UBR3: variants seen among roughly 807,000 people sequenced by gnomAD.
UBR3 encodes ubiquitin protein ligase E3 component n-recognin 3.
In UBR3, 85 loss-of-function variants were observed where a neutral mutation model predicts 243.2. The observed-to-expected ratio is 0.35, with a 90% confidence interval of 0.29 to 0.42. UBR3 has a LOEUF of 0.42. UBR3 is among the 10% of genes least tolerant of loss of function. UBR3 has a pLI of 1.00. For synonymous variants in UBR3, 748 were observed against 799.8 expected, an observed-to-expected ratio of 0.94 and a Z score of 1.09; for missense variants, 1,686 against 2,300.8, an observed-to-expected ratio of 0.73 and a Z score of 5.47.
intron 30 of UBR3, among the ~76,000 whole-genome samples, chr2:170,018,177 G>A (rs2090298419): frequency 6.6e-6 from 1 of 152,114 alleles, no homozygotes; most frequent in Non-Finnish European, 1.5e-5. Context: ...GCCCTTCTGT[G>A]CTAACTCTCC....
intron 23 of UBR3, among the ~76,000 whole-genome samples, chr2:169,951,230 A>G (rs372124472): frequency 5.9e-5 from 9 of 152,200 alleles, no homozygotes; most frequent in South Asian, 2.1e-4. Flanking sequence ...TGTGAGCAGT[A>G]TGACTAATAC....
intron 17 of UBR3, among the ~76,000 whole-genome samples, chr2:169,928,258 G>A (rs576006393): frequency 6.6e-6 from 1 of 151,964 alleles, no homozygotes; most frequent in African/African-American, 2.4e-5. Context: ...GAATCTTTTT[G>A]GTTTGCCTCT....
At chr2:169,963,521 GT>G (rs1056414388) in intron 24 of UBR3, among the ~76,000 whole-genome samples, 17 of 151,908 alleles carry the variant, frequency 1.1e-4, no homozygotes, top group Non-Finnish European at 2.2e-4. Context: ...TTCAGTAGGA[GT>G]TTTTTAAAAA....
chr2:169,975,647 A>G (rs1408126894), intron 24 of UBR3, among the ~76,000 whole-genome samples: 1 of 152,098 alleles, frequency 6.6e-6, no homozygotes, highest in Admixed American at 6.6e-5. Flanking sequence ...ATATGTATTT[A>G]GAATTGTTGT....
chr2:170,024,697 C>T (rs182242584), intron 30 of UBR3, among the ~76,000 whole-genome samples: 4 of 152,156 alleles, frequency 2.6e-5, no homozygotes, highest in Admixed American at 2.6e-4. Context: ...TTGGTTCTAG[C>T]TAGGAGTACT....
At chr2:169,892,706 G>A (rs67236570) in intron 6 of UBR3, among the ~76,000 whole-genome samples, 27,050 of 152,070 alleles carry the variant, frequency 0.18, 2,661 homozygotes, top group East Asian at 0.37. Flanking sequence ...TTGGGGAATG[G>A]CTCAATTTTT....
At chr2:169,957,470 C>T (rs1339179511) in intron 23 of UBR3, among the ~76,000 whole-genome samples, 1 of 150,698 alleles carries the variant, frequency 6.6e-6, no homozygotes, top group Non-Finnish European at 1.5e-5. Flanking sequence ...AGACAAAAAA[C>T]CAAACACTGC....
chr2:170,004,407 G>A (rs985727599), intron 27 of UBR3, among the ~76,000 whole-genome samples: 2 of 152,166 alleles, frequency 1.3e-5, no homozygotes, highest in African/African-American at 2.4e-5. Context: ...CTACTTAGGA[G>A]AGAGATGAGT....
At chr2:169,976,574 T>A (rs1161341497) in intron 24 of UBR3, among the ~76,000 whole-genome samples, 1 of 152,204 alleles carries the variant, frequency 6.6e-6, no homozygotes, top group Non-Finnish European at 1.5e-5. Flanking sequence ...TTCAGAACTT[T>A]GAAAATATCT....
intron 1 of UBR3, among the ~76,000 whole-genome samples, chr2:169,863,614 C>T (rs919333844): frequency 1.3e-5 from 2 of 152,068 alleles, no homozygotes; most frequent in Non-Finnish European, 2.9e-5. Context: ...AGAGCTATAC[C>T]AGTTGTCTAG....
chr2:169,890,569 A>ATATATATATGTG (rs1415148340), intron 5 of UBR3, among the ~76,000 whole-genome samples: 12 of 101,540 alleles, frequency 1.2e-4, no homozygotes, highest in African/African-American at 4.9e-4. Context: ...ATATATGTGT[A>ATATATATATGTG]TATATATATA....
At chr2:169,839,826 T>C (rs563406760) in intron 1 of UBR3, among the ~76,000 whole-genome samples, 1 of 152,316 alleles carries the variant, frequency 6.6e-6, no homozygotes, top group African/African-American at 2.4e-5. Context: ...AATAATTGTC[T>C]TGCTTTCTGG....
At chr2:169,933,832 T>C (rs1006280533) in intron 19 of UBR3, among the ~76,000 whole-genome samples, 16 of 152,116 alleles carry the variant, frequency 1.1e-4, no homozygotes, top group African/African-American at 3.9e-4. Flanking sequence ...ATGTGGAATT[T>C]TAATTCACTT....
chr2:169,874,685 A>G (rs572135057), intron 2 of UBR3, among the ~76,000 whole-genome samples: 1 of 152,204 alleles, frequency 6.6e-6, no homozygotes, highest in African/African-American at 2.4e-5. Flanking sequence ...TTAAACATCT[A>G]CTATATTACT....
chr2:169,894,571 A>C (rs186311703), intron 6 of UBR3, among the ~76,000 whole-genome samples: 20 of 152,316 alleles, frequency 1.3e-4, no homozygotes, highest in African/African-American at 4.8e-4. Flanking sequence ...TTCAAGCCTT[A>C]GTAAATGCAG....
intron 36 of UBR3, chr2:170,078,107 T>C: frequency 4.7e-6 from 3 of 635,424 alleles, no homozygotes; most frequent in South Asian, 4.6e-5. Flanking sequence ...CTTGATGGTC[T>C]TTTTCATTTG....
chr2:169,999,758 G>A (rs1317012490), intron 26 of UBR3, among the ~76,000 whole-genome samples: 1 of 152,170 alleles, frequency 6.6e-6, no homozygotes, highest in East Asian at 1.9e-4. Context: ...TAGATTTAGA[G>A]GGAGGAATTA....
chr2:170,027,494 T>C (rs1333510950), intron 30 of UBR3, among the ~76,000 whole-genome samples: 1 of 151,756 alleles, frequency 6.6e-6, no homozygotes, highest in Non-Finnish European at 1.5e-5. Context: ...CATTATTTTC[T>C]GTGCTGGCTG....
At position 169,924,176 on chromosome 2, in the gene UBR3, A is replaced by G; in HGVS notation, c.2022+3A>G. On this transcript the variant is annotated splice_donor_region_variant and intron_variant, in intron 13 of 38. Coordinates refer to ENST00000272793, the MANE Select transcript of UBR3 (RefSeq NM_172070.4). The stretch of plus-strand genomic sequence containing the variant: ...TGATTCACCCACTCCAAATTCAAGT[A>G]TGTATTCAGGCATTTAAAAAGTTTT... 1 of 1,541,020 alleles carries G rather than the reference A, an allele frequency of 6.5e-7. No individual in the cohort carries two copies. The highest frequency in any genetic ancestry group is 8.7e-7 in the Non-Finnish European group (1 of 1,143,496).
Sources: gnomAD v4.1 joint callset for allele counts (sites outside exome capture counted in the v4.1 genomes callset) on GRCh38, gnomAD v4.1.1 for gene constraint, MANE v1.5 for transcripts, NCBI Gene and HGNC (gene_info 2026-07-23, HGNC 2026-07-21) for gene names.